ST7: variants seen among roughly 807,000 people sequenced by gnomAD.
The protein encoded by ST7 is suppressor of tumorigenicity 7 protein.
ST7 carries 28 observed loss-of-function variants against 78.7 expected under a neutral mutation model. The observed-to-expected ratio is 0.36, with a 90% CI of 0.26 to 0.49. The LOEUF is 0.49. Ranked by LOEUF, ST7 falls within the 20% of genes least tolerant of loss-of-function variation. ST7 has a pLI of 0.99. For missense variants in ST7, 418 were observed against 696.0 expected (o/e 0.60, Z 4.49); for synonymous variants, 247 against 249.6 (o/e 0.99, Z 0.10).
At chr7:117,077,986 G>A (rs1245982575) in intron 1 of ST7, among the ~76,000 whole-genome samples, 2 of 151,922 alleles carry the variant, frequency 1.3e-5, no homozygotes, top group Non-Finnish European at 2.9e-5. Context: ...CTTCACTTAA[G>A]TGCTATGCTG....
intron 2 of ST7, among the ~76,000 whole-genome samples, chr7:117,109,881 G>T (rs1350641009): frequency 6.6e-6 from 1 of 152,172 alleles, no homozygotes; most frequent in African/African-American, 2.4e-5. Context: ...TGCAGGGATG[G>T]TTTAACATAT....
intron 9 of ST7, among the ~76,000 whole-genome samples, chr7:117,148,275 A>G (rs1015819132): frequency 1.3e-5 from 2 of 151,898 alleles, no homozygotes; most frequent in African/African-American, 4.8e-5. Flanking sequence ...AATGTCTCTT[A>G]TATTTATCTT....
chr7:117,006,180 A>T (rs1361722941), intron 1 of ST7, among the ~76,000 whole-genome samples: 1 of 152,224 alleles, frequency 6.6e-6, no homozygotes, highest in Non-Finnish European at 1.5e-5. Context: ...CTTTTGAAAG[A>T]ACAGTGTCCA....
intron 12 of ST7, among the ~76,000 whole-genome samples, chr7:117,205,559 A>T (rs1791670855): frequency 6.6e-6 from 1 of 152,196 alleles, no homozygotes; most frequent in Non-Finnish European, 1.5e-5. Context: ...GAATTTTAAG[A>T]TCTTAGCAAA....
At position 117,133,015 on chromosome 7, in the gene ST7, G is replaced by A. The variant is rs531901963; in HGVS notation, c.641+1055G>A. ...TCTTAAGAATGCCAATCGTAGCTGCGGATCTTAAATTTATAGTAAATCTAT... is the reference window on the plus strand; with the variant it reads ...TCTTAAGAATGCCAATCGTAGCTGCAGATCTTAAATTTATAGTAAATCTAT... On this transcript the variant is annotated intron_variant, in intron 6 of 15. Transcript: ENST00000323984. 3.3e-5 allele frequency among the ~76,000 whole-genome samples: 5 copies of A among 151,830 alleles called. No homozygotes were observed. The South Asian group carries it at 6.2e-4, about 19-fold the overall frequency.
chr7:117,157,676 G>A (rs1341712900), intron 9 of ST7, among the ~76,000 whole-genome samples: 1 of 152,166 alleles, frequency 6.6e-6, no homozygotes, highest in African/African-American at 2.4e-5. Flanking sequence ...AATGATAGTG[G>A]TTTTGGCATA....
At chr7:117,172,225 G>A (rs548506084) in intron 10 of ST7, among the ~76,000 whole-genome samples, 3 of 152,276 alleles carry the variant, frequency 2.0e-5, no homozygotes, top group Admixed American at 6.5e-5. Context: ...GAGTACAGGC[G>A]TGAGCCACCA....
At chr7:117,102,736 A>C (rs1801657804) in intron 2 of ST7, among the ~76,000 whole-genome samples, 1 of 152,124 alleles carries the variant, frequency 6.6e-6, no homozygotes, top group South Asian at 2.1e-4. Flanking sequence ...AGGGGAGATC[A>C]GTTTCAGTGA....
chr7:117,097,908 A>ATATATATATATATAGATATTTTTTT, intron 1 of ST7, among the ~76,000 whole-genome samples: 1 of 30,020 alleles, frequency 3.3e-5, no homozygotes, highest in Non-Finnish European at 5.4e-5. Flanking sequence ...ATATATATAT[A>ATATATATATATATAGATATTTTTTT]TTTTTTTTTT....
At chr7:117,099,717 A>G (rs1177456740) in intron 1 of ST7, 45 bp from the exon 2 acceptor site, 2 of 1,441,348 alleles carry the variant, frequency 1.4e-6, no homozygotes, top group East Asian at 2.3e-5. Flanking sequence ...TGACATACTC[A>G]TACATTCCTT....
intron 13 of ST7, among the ~76,000 whole-genome samples, chr7:117,217,168 T>G (rs1463223654): frequency 6.6e-6 from 1 of 152,154 alleles, no homozygotes; most frequent in Non-Finnish European, 1.5e-5. Flanking sequence ...TGAATAAAAT[T>G]TAGCATTCAA....
intron 12 of ST7, chr7:117,191,608 C>A (rs1809792574): frequency 6.6e-6 from 1 of 152,058 alleles, no homozygotes; most frequent in Non-Finnish European, 1.5e-5. Flanking sequence ...TTATTATTTA[C>A]CTATATTTAA....
chr7:116,998,831 T>C (rs1183379463), intron 1 of ST7, among the ~76,000 whole-genome samples: 1 of 152,128 alleles, frequency 6.6e-6, no homozygotes, highest in Non-Finnish European at 1.5e-5. Flanking sequence ...TGGGCATATA[T>C]TGAACTTAAG....
rs374345140 is a variant in ST7, at chr7:117,131,991, G to C, written c.641+31G>C. On this transcript the variant is annotated intron_variant, in intron 6 of 15. Transcript: ENST00000323984. ...TGGGGGAAAATCTTGCTGTTAAAAAGGAAATCTCATCCTTTGCTGAATATA... is the reference window on the plus strand; with the variant it reads ...TGGGGGAAAATCTTGCTGTTAAAAACGAAATCTCATCCTTTGCTGAATATA... The C allele has an allele frequency of 2.8e-5, 44 of 1,591,814 alleles. No individual in the cohort carries two copies. In the African/African-American group the frequency reaches 5.1e-4, roughly 18 times the overall value.
At chr7:117,113,276 C>G in intron 2 of ST7, among the ~76,000 whole-genome samples, 1 of 152,206 alleles carries the variant, frequency 6.6e-6, no homozygotes. Context: ...ATTTAAATTT[C>G]CACCACTCTG....
chr7:117,048,777 A>T (rs1488532641), intron 1 of ST7, among the ~76,000 whole-genome samples: 2 of 152,154 alleles, frequency 1.3e-5, no homozygotes, highest in Admixed American at 1.3e-4. Flanking sequence ...AGCATCTTCA[A>T]TGGTATAATC....
chr7:117,044,270 A>G (rs1797376868), intron 1 of ST7, among the ~76,000 whole-genome samples: 1 of 152,244 alleles, frequency 6.6e-6, no homozygotes, highest in Non-Finnish European at 1.5e-5. Context: ...AAATTTGTTA[A>G]CATCACTCAT....
At chr7:117,146,239 A>G (rs1454412039) in intron 9 of ST7, 1 of 152,262 alleles carries the variant, frequency 6.6e-6, no homozygotes, top group African/African-American at 2.4e-5. Context: ...ATCGCACTGT[A>G]AAGGCATATG....
chr7:117,038,899 T>A (rs1469535887), intron 1 of ST7, among the ~76,000 whole-genome samples: 1 of 152,208 alleles, frequency 6.6e-6, no homozygotes, highest in East Asian at 1.9e-4. Context: ...TCTTAATATG[T>A]CTTACAGTTT....
Sources: allele counts gnomAD v4.1 joint callset (sites outside exome capture counted in the v4.1 genomes callset), GRCh38; gene constraint gnomAD v4.1.1; transcripts MANE v1.5; gene names NCBI Gene and HGNC (gene_info 2026-07-23, HGNC 2026-07-21).